The following PRKD1 variants were observed in gnomAD, a reference collection of about 807,000 sequenced individuals.
PRKD1 encodes protein kinase D1, also known as serine/threonine-protein kinase D1.
PRKD1 carries 63 observed loss-of-function variants against 95.9 expected under a neutral mutation model. That is an observed-to-expected ratio of 0.66 (90% CI 0.54 to 0.81). The LOEUF (loss-of-function observed/expected upper bound fraction) is 0.81, where lower values mean the gene tolerates loss of function less well. Ranked by LOEUF, PRKD1 falls within the 30% of genes least tolerant of loss-of-function variation. The probability of loss-of-function intolerance (pLI) is 0.00; values close to 1 mark genes in which losing one functional copy is unlikely to be tolerated. For synonymous variants in PRKD1, 425 were observed against 423.1 expected (o/e 1.00, Z -0.05); for missense variants, 1,048 against 1,165.3 (o/e 0.90, Z 1.47).
intron 1 of PRKD1, among the ~76,000 whole-genome samples, chr14:29,853,824 A>G (rs778770815): frequency 1.3e-5 from 2 of 152,166 alleles, no homozygotes; most frequent in Non-Finnish European, 2.9e-5. Context: ...TGCTGTTCTC[A>G]TAATGGTGGA....
chr14:29,870,750 T>C (rs1004863563), intron 1 of PRKD1, among the ~76,000 whole-genome samples: 3 of 152,230 alleles, frequency 2.0e-5, no homozygotes, highest in African/African-American at 7.2e-5. Flanking sequence ...TATATGGTTA[T>C]AAATGAATTA....
At chr14:29,896,882 G>A (rs930303878) in intron 1 of PRKD1, among the ~76,000 whole-genome samples, 1 of 152,012 alleles carries the variant, frequency 6.6e-6, no homozygotes, top group Non-Finnish European at 1.5e-5. Context: ...GGGACACAAA[G>A]TATGAGTGAC....
chr14:29,647,177 G>C (rs975485405), intron 4 of PRKD1, among the ~76,000 whole-genome samples: 1 of 152,134 alleles, frequency 6.6e-6, no homozygotes, highest in African/African-American at 2.4e-5. Flanking sequence ...ATTTGTGAAA[G>C]CTTTCAAAGT....
intron 2 of PRKD1, among the ~76,000 whole-genome samples, chr14:29,681,603 G>A (rs1477722822): frequency 6.6e-6 from 1 of 152,100 alleles, no homozygotes; most frequent in South Asian, 2.1e-4. Context: ...TGTTTAAAAT[G>A]GCCTATGAGC....
intron 1 of PRKD1, among the ~76,000 whole-genome samples, chr14:29,820,095 G>A (rs965355533): frequency 6.6e-6 from 1 of 152,114 alleles, no homozygotes; most frequent in Admixed American, 6.6e-5. Context: ...GAGAAGGTGA[G>A]GCATATCCGC....
At chr14:29,687,139 T>TA (rs199662381) in intron 2 of PRKD1, among the ~76,000 whole-genome samples, 4,985 of 147,516 alleles carry the variant, frequency 0.034, 155 homozygotes, top group African/African-American at 0.081. Context: ...ACTATGAACT[T>TA]AAAAAAAAAA....
At position 29,903,453 on chromosome 14, in the gene PRKD1, T is replaced by C. The variant is rs1894390390; in HGVS notation, c.264+23796A>G. Reference sequence around the variant, plus strand: ...CACGGATACTACTGAGGAACAACCATCAGCATAATGCCTGGAGTACAGTTC... The same window carrying C: ...CACGGATACTACTGAGGAACAACCACCAGCATAATGCCTGGAGTACAGTTC... On this transcript the variant is annotated intron_variant, in intron 1 of 17. Transcript: ENST00000331968. 2.6e-5 allele frequency among the ~76,000 whole-genome samples: 4 copies of C among 152,302 alleles called. No homozygotes were observed. The South Asian group carries it at 8.3e-4, about 32-fold the overall frequency.
At chr14:29,711,649 C>T (rs1885339891) in intron 2 of PRKD1, among the ~76,000 whole-genome samples, 2 of 152,084 alleles carry the variant, frequency 1.3e-5, no homozygotes, top group South Asian at 4.1e-4. Context: ...CAATCATGAA[C>T]AAGTCTTTTC....
At chr14:29,665,091 G>A (rs926385309) in intron 3 of PRKD1, among the ~76,000 whole-genome samples, 2 of 152,132 alleles carry the variant, frequency 1.3e-5, no homozygotes, top group Admixed American at 6.5e-5. Context: ...CTTTGTTCAA[G>A]ACAGGAAACT....
In PRKD1 at chr14:29,619,057, A is replaced by T. The variant is rs375109306; in HGVS notation, c.1905+5095T>A. 6.6e-5 allele frequency among the ~76,000 whole-genome samples: 10 copies of T among 152,222 alleles called. No individual in the cohort carries two copies. The East Asian group carries it at 9.6e-4, about 15-fold the overall frequency. Reference sequence around the variant, plus strand: ...AAGCTAGAGGACCACAAAGTAGAAGATACCAAATGCTTCTGGATATTGCTT... The same window carrying T: ...AAGCTAGAGGACCACAAAGTAGAAGTTACCAAATGCTTCTGGATATTGCTT... On this transcript the variant is annotated intron_variant, in intron 13 of 17. Coordinates refer to ENST00000331968, the MANE Select transcript of PRKD1 (RefSeq NM_002742.3).
At chr14:29,609,211 G>A (rs1878245120) in intron 13 of PRKD1, among the ~76,000 whole-genome samples, 1 of 151,970 alleles carries the variant, frequency 6.6e-6, no homozygotes, top group Non-Finnish European at 1.5e-5. Flanking sequence ...GATTTATCCT[G>A]GTTTAATATA....
chr14:29,654,510 C>G (rs1566517005), intron 4 of PRKD1, among the ~76,000 whole-genome samples: 1 of 151,996 alleles, frequency 6.6e-6, no homozygotes, highest in African/African-American at 2.4e-5. Flanking sequence ...AGTGCTTTTA[C>G]AAATACGCAA....
At chr14:29,588,384 A>G (rs1893008640) in intron 16 of PRKD1, among the ~76,000 whole-genome samples, 1 of 152,192 alleles carries the variant, frequency 6.6e-6, no homozygotes, top group Admixed American at 6.5e-5. Context: ...TGTACTGGCT[A>G]TATTTTTCAA....
At chr14:29,669,294 A>G (rs1352950438) in intron 2 of PRKD1, among the ~76,000 whole-genome samples, 1 of 152,208 alleles carries the variant, frequency 6.6e-6, no homozygotes, top group Admixed American at 6.5e-5. Flanking sequence ...TGGTTTTTCA[A>G]CTTTTACAAA....
At chr14:29,616,400 C>T (rs946146282) in intron 13 of PRKD1, among the ~76,000 whole-genome samples, 8 of 151,520 alleles carry the variant, frequency 5.3e-5, no homozygotes, top group Non-Finnish European at 7.4e-5. Flanking sequence ...AGCTATGAGA[C>T]GCAGCCTAGA....
At chr14:29,796,025 A>C (rs1256121369) in intron 1 of PRKD1, among the ~76,000 whole-genome samples, 2 of 152,108 alleles carry the variant, frequency 1.3e-5, no homozygotes. Flanking sequence ...TCATCTATTG[A>C]TATATAAATA....
At position 29,918,020 on chromosome 14, in the gene PRKD1, A is replaced by AT. The variant is rs568973157; in HGVS notation, c.264+9228dup. 4.2e-3 allele frequency among the ~76,000 whole-genome samples: 636 copies of AT among 152,178 alleles called. 5 individuals are homozygous for AT. The highest frequency in any genetic ancestry group is 0.014 in the African/African-American group (587 of 41,526). ...GTGTCATGGGGGGGCTGTACAGATT[A>AT]TTTTGTCACCCAGGTACTAAGCCTA... On this transcript the variant is annotated intron_variant, in intron 1 of 17. Transcript: ENST00000331968.
At chr14:29,630,559 C>A in intron 10 of PRKD1, 183 bp downstream of exon 10, 1 of 679,220 alleles carries the variant, frequency 1.5e-6, no homozygotes, top group East Asian at 2.8e-5. Context: ...GATAATTTAA[C>A]AAACTAAACA....
chr14:29,889,731 G>A (rs1365555333), intron 1 of PRKD1, among the ~76,000 whole-genome samples: 2 of 152,164 alleles, frequency 1.3e-5, no homozygotes, highest in Non-Finnish European at 2.9e-5. Context: ...ACACATCAGA[G>A]CCTGCCGGAT....
Sources: allele counts gnomAD v4.1 joint callset (sites outside exome capture counted in the v4.1 genomes callset), GRCh38; gene constraint gnomAD v4.1.1; transcripts MANE v1.5; gene names NCBI Gene and HGNC (gene_info 2026-07-23, HGNC 2026-07-21).